JAKMIP1: variants seen among roughly 807,000 people sequenced by gnomAD.
The protein encoded by JAKMIP1 is janus kinase and microtubule interacting protein 1, also known as janus kinase and microtubule-interacting protein 1.
A neutral mutation model predicts 113.0 loss-of-function variants in JAKMIP1; 33 were observed. The observed-to-expected ratio is 0.29, with a 90% CI of 0.22 to 0.39. The LOEUF is 0.39. Ranked by LOEUF, JAKMIP1 falls within the 10% of genes least tolerant of loss-of-function variation. The pLI is 1.00. For synonymous variants in JAKMIP1, 480 were observed against 459.9 expected (o/e 1.04, Z -0.56); for missense variants, 813 against 1,080.5 (o/e 0.75, Z 3.47).
rs1230773890 is a variant in JAKMIP1, at chr4:6,081,534, C to T, written c.1101+75G>A. 1.5e-5 allele frequency: 23 copies of T among 1,547,764 alleles called. No individual in the cohort carries two copies. Among genetic ancestry groups the T allele is most frequent in the South Asian group, 2.4e-5 (2 of 84,414 alleles). ...CAGGTGCGCCCCAGAACATGTGAAT[C>T]GGGAGGTTCAGGGCTGAAGAATCCC... On this transcript the variant is annotated intron_variant, in intron 6 of 20. Coordinates refer to ENST00000409021, the MANE Select transcript of JAKMIP1 (RefSeq NM_001099433.2). This position sits in a 1 kb window ranked among gnomAD's most constrained non-coding sequence, Gnocchi z 4.6.
At chr4:6,117,100 C>G (rs1383204753) in intron 1 of JAKMIP1, among the ~76,000 whole-genome samples, 1 of 152,140 alleles carries the variant, frequency 6.6e-6, no homozygotes, top group Non-Finnish European at 1.5e-5. Context: ...CTCGTGTGCC[C>G]GTGAAGCTGG....
rs901012211 is a variant in JAKMIP1, at chr4:6,167,182, C to T, written c.-148+33071G>A. ...CAGGGCCCTGCCTCCGCAAAGAGCACGATGTTCTGGCCACTCATCCAGACC... is the reference window on the plus strand; with the variant it reads ...CAGGGCCCTGCCTCCGCAAAGAGCATGATGTTCTGGCCACTCATCCAGACC... On this transcript the variant is annotated intron_variant, in intron 1 of 20. Coordinates refer to ENST00000409021, the MANE Select transcript of JAKMIP1 (RefSeq NM_001099433.2). The surrounding 1 kb of genome is among the most constrained non-coding windows in gnomAD (Gnocchi z 5.3). 3.9e-5 allele frequency among the ~76,000 whole-genome samples: 6 copies of T among 152,162 alleles called. No homozygotes were observed. Among genetic ancestry groups the T allele is most frequent in the South Asian group, 2.1e-4 (1 of 4,822 alleles).
rs553229254 is a variant in JAKMIP1 at position 6,200,265 on chromosome 4, C to T, written c.-160G>A. The T allele has an allele frequency of 1.3e-5, 2 of 152,230 alleles. No individual in the cohort carries two copies. The highest frequency in any genetic ancestry group is 1.9e-4 in the South Asian group (1 of 5,166). 9.4% of individuals were successfully genotyped at this position (152,230 alleles called of 1,614,324 possible). A position where few individuals can be genotyped will look rare whatever the true frequency, so the allele number is the denominator to read the frequency against. On this transcript the variant is annotated 5_prime_UTR_variant, in exon 1 of 21. Transcript: ENST00000409021. The surrounding 1 kb of genome is among the most constrained non-coding windows in gnomAD (Gnocchi z 7.0). The stretch of plus-strand genomic sequence containing the variant: ...CACCTGTACCCACCTGCTCGGCGCT[C>T]AGGCCCGAGCCGGGCAGCAGCAGCG...
rs902878281 is a variant in JAKMIP1 at position 6,031,455 on chromosome 4, C to T, written c.2380-1674G>A. Among the ~76,000 whole-genome samples the T allele has an allele frequency of 1.3e-5, 2 of 152,024 alleles. No individual in the cohort carries two copies. Among genetic ancestry groups the T allele is most frequent in the Non-Finnish European group, 2.9e-5 (2 of 68,020 alleles). On this transcript the variant is annotated intron_variant, in intron 19 of 20. Coordinates refer to ENST00000409021, the MANE Select transcript of JAKMIP1 (RefSeq NM_001099433.2). The surrounding 1 kb of genome is among the most constrained non-coding windows in gnomAD (Gnocchi z 4.4). ...AGAGGCATGAGGAGGGGTGAGGTAT[C>T]GTGCCGTGGGCTGGAGGAGACGTGG...
At chr4:6,057,753 A>G (rs140875742) in intron 11 of JAKMIP1, among the ~76,000 whole-genome samples, 100 of 152,058 alleles carry the variant, frequency 6.6e-4, no homozygotes, top group East Asian at 3.7e-3. Flanking sequence ...CATTTCTTCA[A>G]CCTCAAAGCT....
chr4:6,147,970 C>G (rs1721058730), intron 1 of JAKMIP1, among the ~76,000 whole-genome samples: 1 of 152,244 alleles, frequency 6.6e-6, no homozygotes, highest in African/African-American at 2.4e-5. Flanking sequence ...ACAGAAATCC[C>G]TATCAGCCTT....
At chr4:6,077,482 CTTTTTTTTT>C (rs34339999) in intron 8 of JAKMIP1, among the ~76,000 whole-genome samples, 1 of 81,546 alleles carries the variant, frequency 1.2e-5, no homozygotes, top group Admixed American at 1.4e-4. Context: ...ATTTCCTTTC[CTTTTTTTTT>C]TTTTTTTTTT....
chr4:6,125,625 A>AAC (rs1344643706), intron 1 of JAKMIP1, among the ~76,000 whole-genome samples: 2 of 128,946 alleles, frequency 1.6e-5, no homozygotes, highest in East Asian at 2.5e-4. Flanking sequence ...ACCATACAGA[A>AAC]ACACACACAC....
rs186551501 is a variant in JAKMIP1 at position 6,141,895 on chromosome 4, G to A, written c.-147-28898C>T. Among the ~76,000 whole-genome samples the A allele has an allele frequency of 1.2e-3, 179 of 152,140 alleles. No individual in the cohort carries two copies. Among genetic ancestry groups the A allele is most frequent in the African/African-American group, 3.1e-3 (127 of 41,510 alleles). ...AGAGGCGCTTACGCTTCCTAAGGGC[G>A]TTAACCGTCTCTCTCTCATTTTAAA... On this transcript the variant is annotated intron_variant, in intron 1 of 20. Transcript: ENST00000409021. This position sits in a 1 kb window ranked among gnomAD's most constrained non-coding sequence, Gnocchi z 9.4.
At position 6,102,922 on chromosome 4, in the gene JAKMIP1, A is replaced by G. The variant is rs539387835; in HGVS notation, c.624+2551T>C. Reference sequence around the variant, plus strand: ...CTAATTTTTTGTATTTTTAGTAGAGATGGGGTTTCACTGTGTTAGCCAGGA... The same window carrying G: ...CTAATTTTTTGTATTTTTAGTAGAGGTGGGGTTTCACTGTGTTAGCCAGGA... On this transcript the variant is annotated intron_variant, in intron 3 of 20. Coordinates refer to ENST00000409021, the MANE Select transcript of JAKMIP1 (RefSeq NM_001099433.2). Among the ~76,000 whole-genome samples the G allele has an allele frequency of 2.0e-5, 3 of 151,666 alleles. No individual in the cohort carries two copies. The South Asian group carries it at 6.3e-4, about 32-fold the overall frequency.
Position 6,183,832 on chromosome 4 carries a change from G to C in JAKMIP1, c.-148+16421C>G, listed in dbSNP as rs543271320. Among the ~76,000 whole-genome samples the C allele has an allele frequency of 3.4e-4, 52 of 152,254 alleles. No individual in the cohort carries two copies. Among genetic ancestry groups the C allele is most frequent in the African/African-American group, 1.2e-3 (51 of 41,542 alleles). ...CCTCTCCTGTCATCTCCAGTGAAAT[G>C]CACTCTGAGAATGCAAGACAAGTCA... On this transcript the variant is annotated intron_variant, in intron 1 of 20. Transcript: ENST00000409021. The surrounding 1 kb of genome is among the most constrained non-coding windows in gnomAD (Gnocchi z 5.3).
At chr4:6,182,271 T>TG (rs1254558340) in intron 1 of JAKMIP1, among the ~76,000 whole-genome samples, 1 of 150,690 alleles carries the variant, frequency 6.6e-6, no homozygotes, top group Non-Finnish European at 1.5e-5. Context: ...TAGTCAGGTG[T>TG]GGTGGTGCAT....
At chr4:6,169,366 T>C (rs1724050489) in intron 1 of JAKMIP1, among the ~76,000 whole-genome samples, 1 of 151,260 alleles carries the variant, frequency 6.6e-6, no homozygotes, top group African/African-American at 2.4e-5. Flanking sequence ...GCAGGAGGAG[T>C]CCACATGACG....
Position 6,112,797 on chromosome 4 carries a change from C to A in JAKMIP1, c.54G>T (p.Ala18=), listed in dbSNP as rs750289605. The A allele has an allele frequency of 1.1e-5, 17 of 1,614,136 alleles. No homozygotes were observed. Among genetic ancestry groups the A allele is most frequent in the Admixed American group, 8.3e-5 (5 of 60,034 alleles). The change falls in exon 2 of 21, where the codon GCG becomes GCT. Residue 18 remains alanine (A), a synonymous_variant. Transcript: ENST00000409021. ...GCAGCTCCTCGTTGGCCATCTGCAC[C>A]GCGTCCGTCTCCATCTCGGGCTTCT... ...KGEKPEMETD[A]VQMANEELRA...
intron 1 of JAKMIP1, among the ~76,000 whole-genome samples, chr4:6,125,719 AACAC>A (rs111278843): frequency 1.5e-5 from 2 of 134,580 alleles, no homozygotes; most frequent in African/African-American, 2.8e-5. Context: ...ACCATACAGA[AACAC>A]ACACACACAC....
intron 1 of JAKMIP1, among the ~76,000 whole-genome samples, chr4:6,152,809 T>TATATATATATAC (rs1491579883): frequency 8.5e-6 from 1 of 117,666 alleles, no homozygotes; most frequent in African/African-American, 4.1e-5. Flanking sequence ...TATATATATA[T>TATATATATATAC]ACATATATAT....
In JAKMIP1 at chr4:6,188,751, G is replaced by A. The variant is rs947674941; in HGVS notation, c.-148+11502C>T. On this transcript the variant is annotated intron_variant, in intron 1 of 20. Transcript: ENST00000409021. The surrounding 1 kb of genome is among the most constrained non-coding windows in gnomAD (Gnocchi z 5.8). ...CTTGTTTGTGTCTTCAGTCTGAAGT[G>A]TCTTGCATTTGTCCCTATAGAAAAA... Among the ~76,000 whole-genome samples the A allele has an allele frequency of 6.6e-6, 1 of 152,178 alleles. No individual in the cohort carries two copies. The highest frequency in any genetic ancestry group is 2.4e-5 in the African/African-American group (1 of 41,436).
rs1455461334 is a variant in JAKMIP1 at position 6,086,603 on chromosome 4, T to C, written c.625-974A>G. 6.6e-6 allele frequency among the ~76,000 whole-genome samples: 1 copy of C among 151,928 alleles called. No homozygotes were observed. Among genetic ancestry groups the C allele is most frequent in the Non-Finnish European group, 1.5e-5 (1 of 68,000 alleles). On this transcript the variant is annotated intron_variant, in intron 3 of 20. Transcript: ENST00000409021. This position sits in a 1 kb window ranked among gnomAD's most constrained non-coding sequence, Gnocchi z 4.1. Reference sequence around the variant, plus strand: ...CCAAAAAAAGTATGCAGAGGAAGTGTCAGCCCCAGGTCATCCACTCTGGCT... The same window carrying C: ...CCAAAAAAAGTATGCAGAGGAAGTGCCAGCCCCAGGTCATCCACTCTGGCT...
chr4:6,030,853 G>T (rs1005022486), intron 19 of JAKMIP1, among the ~76,000 whole-genome samples: 9 of 152,224 alleles, frequency 5.9e-5, no homozygotes, highest in Admixed American at 4.6e-4. Context: ...GCCAGGCCCT[G>T]CCCACAGAGC....
Sources: gnomAD v4.1 joint callset for allele counts (sites outside exome capture counted in the v4.1 genomes callset) on GRCh38, gnomAD v4.1.1 for gene constraint, Gnocchi (gnomAD v3.1) non-coding constraint, MANE v1.5 for transcripts, NCBI Gene and HGNC (gene_info 2026-07-23, HGNC 2026-07-21) for gene names.